The following XCR1 variants were observed in gnomAD, a reference collection of about 807,000 sequenced individuals.
XCR1 encodes X-C motif chemokine receptor 1.
For missense variants in XCR1, 356 were observed against 424.2 expected (o/e 0.84, Z 1.41); for synonymous variants, 187 against 188.5 (o/e 0.99, Z 0.06).
chr3:46,082,476 C>CTTTTTTTTTTTTTTTTTTTTTTTT (rs61282576), intron 1 of XCR1, among the ~76,000 whole-genome samples: 1 of 100,030 alleles, frequency 1.0e-5, no homozygotes, highest in African/African-American at 3.8e-5. Context: ...AATCAGGCTC[C>CTTTTTTTTTTTTTTTTTTTTTTTT]TTTTTTTTTT....
At chr3:46,076,245 T>C (rs1377613576) in intron 2 of XCR1, among the ~76,000 whole-genome samples, 2 of 152,182 alleles carry the variant, frequency 1.3e-5, no homozygotes, top group African/African-American at 4.8e-5. Flanking sequence ...AAGATACCCT[T>C]GTCTCTACCA....
At chr3:46,025,730 T>C (rs1308433833) in intron 1 of XCR1, among the ~76,000 whole-genome samples, 2 of 152,178 alleles carry the variant, frequency 1.3e-5, no homozygotes, top group East Asian at 1.9e-4. Context: ...TTTCTAGTGA[T>C]TTTTTTAAAC....
chr3:46,039,730 C>A (rs899690496), intron 5 of XCR1, among the ~76,000 whole-genome samples: 12 of 152,238 alleles, frequency 7.9e-5, no homozygotes, highest in Non-Finnish European at 1.8e-4. Context: ...CTATTCCATC[C>A]CTCTAGGCCC....
chr3:46,064,314 C>G (rs1001137859), intron 4 of XCR1, among the ~76,000 whole-genome samples: 2 of 152,176 alleles, frequency 1.3e-5, no homozygotes, highest in South Asian at 4.1e-4. Context: ...CTGTATTGTT[C>G]ATTGGTCTGT....
chr3:46,065,891 G>A (rs1486722833), intron 4 of XCR1, among the ~76,000 whole-genome samples: 1 of 152,212 alleles, frequency 6.6e-6, no homozygotes, highest in Non-Finnish European at 1.5e-5. Context: ...GAAGCTTGAG[G>A]CGTCTTTGCC....
chr3:46,051,735 T>TACTTG (rs1179565630), intron 5 of XCR1, among the ~76,000 whole-genome samples: 18 of 152,202 alleles, frequency 1.2e-4, no homozygotes, highest in African/African-American at 3.6e-4. Context: ...ACATTAAAAC[T>TACTTG]ACTTGAATTG....
chr3:46,052,174 G>T (rs1385917050), intron 5 of XCR1, among the ~76,000 whole-genome samples: 1 of 152,134 alleles, frequency 6.6e-6, no homozygotes, highest in Non-Finnish European at 1.5e-5. Context: ...CCCAAATACC[G>T]GTGGGAACTT....
intron 5 of XCR1, among the ~76,000 whole-genome samples, chr3:46,045,578 A>G (rs774318574): frequency 2.6e-5 from 4 of 152,216 alleles, no homozygotes; most frequent in Non-Finnish European, 5.9e-5. Flanking sequence ...CTCATTCATG[A>G]TAAACACTCT....
chr3:46,074,430 A>C (rs550805346), intron 3 of XCR1, among the ~76,000 whole-genome samples: 1 of 152,170 alleles, frequency 6.6e-6, no homozygotes, highest in African/African-American at 2.4e-5. Flanking sequence ...ACATGGACAT[A>C]GAATGTGGAG....
At position 46,023,399 on chromosome 3, in the gene XCR1, A is replaced by G. The variant is rs1575408318; in HGVS notation, c.-31-1421T>C. On this transcript the variant is annotated intron_variant, in intron 1 of 1. Coordinates refer to ENST00000309285, the MANE Select transcript of XCR1 (RefSeq NM_001024644.2). ...TACGAAGAGGCGATTTCTTGTCACA[A>G]AAAGGCTGCGGCATATCTTTCTGAA... is the stretch of plus-strand genomic sequence containing the variant. The G allele has an allele frequency of 4.8e-6, 7 of 1,472,626 alleles. No homozygotes were observed. In the East Asian group the frequency reaches 9.1e-5, roughly 19 times the overall value. 91.2% of individuals were successfully genotyped at this position (1,472,626 alleles called of 1,614,324 possible). A position where few individuals can be genotyped will look rare whatever the true frequency, so the allele number is the denominator to read the frequency against.
chr3:46,020,483 A>T lies in XCR1; in HGVS notation c.*463T>A, dbSNP rs1450433866. On this transcript the variant is annotated 3_prime_UTR_variant, in exon 2 of 2. Coordinates refer to ENST00000309285, the MANE Select transcript of XCR1 (RefSeq NM_001024644.2). Reference sequence around the variant, plus strand: ...ATCCAGCAGTACCTGAGGAATACGGAGCCAGGCGCCTCCAAAGTGAATAAA... The same window carrying T: ...ATCCAGCAGTACCTGAGGAATACGGTGCCAGGCGCCTCCAAAGTGAATAAA... The T allele has an allele frequency of 6.3e-6, 1 of 159,418 alleles. No individual in the cohort carries two copies. The highest frequency in any genetic ancestry group is 1.4e-5 in the Non-Finnish European group (1 of 72,590). 9.9% of individuals were successfully genotyped at this position (159,418 alleles called of 1,614,324 possible). A position where few individuals can be genotyped will look rare whatever the true frequency, so the allele number is the denominator to read the frequency against.
intron 5 of XCR1, among the ~76,000 whole-genome samples, chr3:46,032,969 T>C (rs1708427382): frequency 6.6e-6 from 1 of 152,208 alleles, no homozygotes; most frequent in Admixed American, 6.5e-5. Flanking sequence ...ATTTTCTAAA[T>C]TGGATTGTTT....
chr3:46,065,358 C>A (rs1248052602), intron 4 of XCR1, among the ~76,000 whole-genome samples: 1 of 152,170 alleles, frequency 6.6e-6, no homozygotes, highest in East Asian at 1.9e-4. Flanking sequence ...GTCTTGCTAG[C>A]TTTCTAGCAA....
At chr3:46,056,215 T>C (rs1024953719) in intron 4 of XCR1, among the ~76,000 whole-genome samples, 1 of 152,164 alleles carries the variant, frequency 6.6e-6, no homozygotes, top group Non-Finnish European at 1.5e-5. Context: ...TTTTTTCTTT[T>C]TATTTTTAGT....
chr3:46,051,876 A>G (rs1559488254), intron 5 of XCR1, among the ~76,000 whole-genome samples: 1 of 152,142 alleles, frequency 6.6e-6, no homozygotes, highest in Non-Finnish European at 1.5e-5. Flanking sequence ...AATACAAAAA[A>G]TTAGCCAGGT....
At chr3:46,082,476 C>CTTTTTT (rs61282576) in intron 1 of XCR1, among the ~76,000 whole-genome samples, 3 of 100,030 alleles carry the variant, frequency 3.0e-5, no homozygotes, top group Non-Finnish European at 5.5e-5. Flanking sequence ...AATCAGGCTC[C>CTTTTTT]TTTTTTTTTT....
chr3:46,082,008 G>C (rs967261303), intron 1 of XCR1, among the ~76,000 whole-genome samples: 1 of 152,148 alleles, frequency 6.6e-6, no homozygotes, highest in Non-Finnish European at 1.5e-5. Context: ...CACCCAGTGG[G>C]AAGGGACCAT....
intron 5 of XCR1, among the ~76,000 whole-genome samples, chr3:46,041,538 C>A (rs1384077852): frequency 6.6e-6 from 1 of 152,110 alleles, no homozygotes; most frequent in African/African-American, 2.4e-5. Context: ...CCCACGAAGC[C>A]CCTCCTTAGC....
chr3:46,073,517 A>C (rs1319374559), intron 3 of XCR1, among the ~76,000 whole-genome samples: 1 of 152,150 alleles, frequency 6.6e-6, no homozygotes, highest in African/African-American at 2.4e-5. Context: ...GAAGCCTGAG[A>C]GCCGGAGGTT....
Sources: gnomAD v4.1 joint callset for allele counts (sites outside exome capture counted in the v4.1 genomes callset) on GRCh38, gnomAD v4.1.1 for gene constraint, MANE v1.5 for transcripts, NCBI Gene and HGNC (gene_info 2026-07-23, HGNC 2026-07-21) for gene names.